PCSK2: variants seen among roughly 807,000 people sequenced by gnomAD.
The protein encoded by PCSK2 is neuroendocrine convertase 2.
A neutral mutation model predicts 69.7 loss-of-function variants in PCSK2; 14 were observed. The observed-to-expected ratio is 0.20, with a 90% CI of 0.13 to 0.31. The LOEUF is 0.31. Among genes scored for constraint, PCSK2 ranks in the 10% least tolerant of loss-of-function variants. The probability of loss-of-function intolerance (pLI) is 1.00; values close to 1 mark genes in which losing one functional copy is unlikely to be tolerated. For missense variants in PCSK2, 544 were observed against 842.5 expected (o/e 0.65, Z 4.39); for synonymous variants, 307 against 320.7 (o/e 0.96, Z 0.46).
intron 2 of PCSK2, among the ~76,000 whole-genome samples, chr20:17,285,843 A>G (rs1017148042): frequency 1.3e-5 from 2 of 152,166 alleles, no homozygotes; most frequent in African/African-American, 4.8e-5. Context: ...CACATCACAG[A>G]CCCACCTATG....
At chr20:17,413,055 C>T (rs1392572476) in intron 6 of PCSK2, among the ~76,000 whole-genome samples, 1 of 152,150 alleles carries the variant, frequency 6.6e-6, no homozygotes, top group African/African-American at 2.4e-5. Flanking sequence ...AAGGAACAAC[C>T]AGTACCAGCC....
intron 2 of PCSK2, among the ~76,000 whole-genome samples, chr20:17,318,985 C>T (rs1347523899): frequency 2.0e-5 from 3 of 152,102 alleles, no homozygotes; most frequent in Non-Finnish European, 4.4e-5. Flanking sequence ...ATTTCTGAGC[C>T]AGTGTTTGAA....
At chr20:17,384,557 G>C (rs954399841) in intron 5 of PCSK2, among the ~76,000 whole-genome samples, 4 of 152,032 alleles carry the variant, frequency 2.6e-5, no homozygotes, top group Non-Finnish European at 4.4e-5. Context: ...AGCCAAGATA[G>C]TGCCATTGCA....
chr20:17,389,396 G>C (rs2031315033), intron 5 of PCSK2, among the ~76,000 whole-genome samples: 1 of 152,164 alleles, frequency 6.6e-6, no homozygotes, highest in African/African-American at 2.4e-5. Flanking sequence ...ATGATATAGA[G>C]TATATGTCCA....
chr20:17,321,528 A>C (rs1989867807), intron 2 of PCSK2, among the ~76,000 whole-genome samples: 1 of 152,230 alleles, frequency 6.6e-6, no homozygotes, highest in South Asian at 2.1e-4. Context: ...ATTTTGGGGA[A>C]AGACAGGCAT....
chr20:17,298,937 A>G (rs930090820), intron 2 of PCSK2, among the ~76,000 whole-genome samples: 2 of 152,144 alleles, frequency 1.3e-5, no homozygotes, highest in Non-Finnish European at 2.9e-5. Flanking sequence ...CCGTTTACCT[A>G]TTCCTATAGT....
intron 2 of PCSK2, among the ~76,000 whole-genome samples, chr20:17,264,773 G>A (rs1388360498): frequency 6.6e-6 from 1 of 152,114 alleles, no homozygotes; most frequent in Non-Finnish European, 1.5e-5. Context: ...AATTATAGTA[G>A]TTAATTATTT....
At chr20:17,476,679 A>C (rs1359958886) in intron 11 of PCSK2, among the ~76,000 whole-genome samples, 1 of 152,192 alleles carries the variant, frequency 6.6e-6, no homozygotes, top group Non-Finnish European at 1.5e-5. Context: ...GATCATGCAA[A>C]TACTTGCCCA....
intron 2 of PCSK2, among the ~76,000 whole-genome samples, chr20:17,316,183 G>A (rs145961713): frequency 0.013 from 1,914 of 152,330 alleles, 22 homozygotes; most frequent in Admixed American, 0.02. Flanking sequence ...TGCCTGCTCA[G>A]TAAATATTAA....
At chr20:17,374,932 T>C (rs1318963678) in intron 5 of PCSK2, among the ~76,000 whole-genome samples, 3 of 152,102 alleles carry the variant, frequency 2.0e-5, no homozygotes, top group African/African-American at 7.2e-5. Context: ...GTTCTGACAG[T>C]TGGCAGTAGT....
intron 10 of PCSK2, among the ~76,000 whole-genome samples, chr20:17,456,740 T>G (rs1392186253): frequency 1.3e-5 from 2 of 152,166 alleles, no homozygotes; most frequent in African/African-American, 4.8e-5. Context: ...CACAGAGATA[T>G]TTCTTTCTTC....
At chr20:17,246,276 C>T (rs538961349) in intron 1 of PCSK2, among the ~76,000 whole-genome samples, 2 of 152,152 alleles carry the variant, frequency 1.3e-5, no homozygotes, top group African/African-American at 2.4e-5. Flanking sequence ...CTACTGTATT[C>T]GAAACCAGCC....
intron 5 of PCSK2, among the ~76,000 whole-genome samples, chr20:17,391,468 T>A (rs920407697): frequency 1.3e-5 from 2 of 152,156 alleles, no homozygotes; most frequent in African/African-American, 4.8e-5. Flanking sequence ...GGTTAATAGA[T>A]GTAGGGATGG....
intron 11 of PCSK2, among the ~76,000 whole-genome samples, chr20:17,473,964 T>TA (rs908653287): frequency 6.6e-6 from 1 of 152,084 alleles, no homozygotes; most frequent in African/African-American, 2.4e-5. Context: ...TCCGTGGTGC[T>TA]AAAAAAGCCA....
chr20:17,471,709 A>G (rs2033205359), intron 11 of PCSK2, among the ~76,000 whole-genome samples: 1 of 152,238 alleles, frequency 6.6e-6, no homozygotes, highest in East Asian at 1.9e-4. Context: ...TCTCAGATGC[A>G]GATGAGTTAG....
chr20:17,380,123 T>C (rs537911358), intron 5 of PCSK2, among the ~76,000 whole-genome samples: 6 of 152,196 alleles, frequency 3.9e-5, no homozygotes, highest in Non-Finnish European at 8.8e-5. Flanking sequence ...AAGCCCCAGT[T>C]AACCCACGTC....
At chr20:17,239,841 C>CTTTTTTTTTTT (rs869179656) in intron 1 of PCSK2, among the ~76,000 whole-genome samples, 3 of 68,648 alleles carry the variant, frequency 4.4e-5, no homozygotes, top group African/African-American at 1.3e-4. Context: ...GGTGAAAACA[C>CTTTTTTTTTTT]TTTTTTTTTT....
At chr20:17,466,966 C>A (rs1203908193) in intron 11 of PCSK2, among the ~76,000 whole-genome samples, 1 of 152,230 alleles carries the variant, frequency 6.6e-6, no homozygotes, top group Non-Finnish European at 1.5e-5. Flanking sequence ...GTAGCTCATT[C>A]ATTCTCATTC....
chr20:17,293,721 C>T (rs1988773164), intron 2 of PCSK2, among the ~76,000 whole-genome samples: 1 of 152,072 alleles, frequency 6.6e-6, no homozygotes, highest in Non-Finnish European at 1.5e-5. Flanking sequence ...TTCGATTTGT[C>T]AATATTTTAT....
Sources: allele counts gnomAD v4.1 joint callset (sites outside exome capture counted in the v4.1 genomes callset), GRCh38; gene constraint gnomAD v4.1.1; transcripts MANE v1.5; gene names NCBI Gene and HGNC (gene_info 2026-07-23, HGNC 2026-07-21).